Variants in MSR1 observed in about 807,000 individuals in gnomAD.
The protein encoded by MSR1 is macrophage scavenger receptor 1, also known as macrophage scavenger receptor types I and II.
In MSR1, 53 loss-of-function variants were observed where a neutral mutation model predicts 47.2. The observed-to-expected ratio is 1.12, with a 90% CI of 0.90 to 1.41. The LOEUF (loss-of-function observed/expected upper bound fraction) is 1.41. MSR1 is among the 40% of genes most tolerant of loss of function. The pLI is 0.00. For missense variants in MSR1, 786 were observed against 546.9 expected (o/e 1.44, Z -4.36); for synonymous variants, 239 against 185.6 (o/e 1.29, Z -2.34).
intron 7 of MSR1, among the ~76,000 whole-genome samples, chr8:16,148,552 G>A (rs1800761061): frequency 6.6e-6 from 1 of 151,990 alleles, no homozygotes; most frequent in Non-Finnish European, 1.5e-5. Context: ...TGCCTCCTGG[G>A]TTCAAGTGAT....
intron 8 of MSR1, among the ~76,000 whole-genome samples, chr8:16,134,906 C>G (rs1446240815): frequency 6.6e-6 from 1 of 152,144 alleles, no homozygotes; most frequent in African/African-American, 2.4e-5. Flanking sequence ...TAAGACAAAT[C>G]CAAGTCCAGA....
intron 1 of MSR1, among the ~76,000 whole-genome samples, chr8:16,188,326 C>T (rs1317167253): frequency 6.6e-6 from 1 of 151,910 alleles, no homozygotes; most frequent in Non-Finnish European, 1.5e-5. Context: ...GTCATCTCAT[C>T]ACCCTAATAA....
At chr8:16,149,898 T>A (rs948839160) in intron 7 of MSR1, among the ~76,000 whole-genome samples, 3 of 151,816 alleles carry the variant, frequency 2.0e-5, no homozygotes, top group Non-Finnish European at 2.9e-5. Flanking sequence ...TGATGATTTA[T>A]GATTGTGAGG....
At chr8:16,159,077 C>T (rs892314642) in intron 5 of MSR1, among the ~76,000 whole-genome samples, 7 of 151,532 alleles carry the variant, frequency 4.6e-5, no homozygotes, top group African/African-American at 1.7e-4. Context: ...GCTGGGATTA[C>T]AGGCATGAGC....
At chr8:16,170,069 G>A (rs2117187079) in intron 3 of MSR1, among the ~76,000 whole-genome samples, 1 of 152,064 alleles carries the variant, frequency 6.6e-6, no homozygotes, top group Non-Finnish European at 1.5e-5. Context: ...GCAAAAATAG[G>A]CCGGGTGCGT....
At chr8:16,155,668 G>C (rs530471577) in intron 5 of MSR1, among the ~76,000 whole-genome samples, 2 of 151,892 alleles carry the variant, frequency 1.3e-5, no homozygotes, top group African/African-American at 2.4e-5. Context: ...AGATCGGCGT[G>C]AATGGTGATG....
rs745510362 is a variant in MSR1 at position 16,119,141 on chromosome 8, C to T, written c.1222+1277G>A. 4.6e-5 allele frequency among the ~76,000 whole-genome samples: 7 copies of T among 152,156 alleles called. 1 individual carries two copies. Among genetic ancestry groups the T allele is most frequent in the Non-Finnish European group, 7.4e-5 (5 of 68,010 alleles). On this transcript the variant is annotated intron_variant, in intron 9 of 9. Coordinates refer to ENST00000262101, the MANE Select transcript of MSR1 (RefSeq NM_138715.3). ...TTACCAGTCTATTTTCTGACATCTC[C>T]TCTCTTCATGAAATTAAATTATCCT...
intron 9 of MSR1, among the ~76,000 whole-genome samples, chr8:16,118,001 G>A (rs982878253): frequency 1.3e-5 from 2 of 152,132 alleles, no homozygotes; most frequent in Admixed American, 6.5e-5. Context: ...GGTCCCTGGT[G>A]CCAAAAAGGT....
At chr8:16,166,807 G>A (rs570685546) in intron 4 of MSR1, among the ~76,000 whole-genome samples, 7 of 151,982 alleles carry the variant, frequency 4.6e-5, no homozygotes, top group South Asian at 4.1e-4. Context: ...TTCCTCAAAC[G>A]CCATTTACAA....
intron 3 of MSR1, 82 bp from the exon 4 acceptor site, chr8:16,168,952 G>T: frequency 2.9e-6 from 4 of 1,376,780 alleles, no homozygotes; most frequent in South Asian, 2.4e-5. Context: ...ATTCCATTCC[G>T]TTCATTTTAT....
At chr8:16,111,011 C>G (rs1229376635) in intron 9 of MSR1, among the ~76,000 whole-genome samples, 1 of 151,862 alleles carries the variant, frequency 6.6e-6, no homozygotes, top group Non-Finnish European at 1.5e-5. Flanking sequence ...AATATGATCT[C>G]AAAATCAGAA....
Position 16,132,498 on chromosome 8 carries a change from G to GT in MSR1, c.1033+11059dup, listed in dbSNP as rs574767786. Among the ~76,000 whole-genome samples the GT allele has an allele frequency of 1.6e-4, 24 of 151,682 alleles. No individual in the cohort carries two copies. In the South Asian group the frequency reaches 2.9e-3, roughly 18 times the overall value. ...TGTATTTCTTTTTTTGTTTTGTTTT[G>GT]TTTTTTTGAGACAGAGTCTCACCCT... On this transcript the variant is annotated intron_variant, in intron 8 of 9. Coordinates refer to ENST00000262101, the MANE Select transcript of MSR1 (RefSeq NM_138715.3).
At chr8:16,147,008 T>G (rs1266383293) in intron 7 of MSR1, among the ~76,000 whole-genome samples, 1 of 152,128 alleles carries the variant, frequency 6.6e-6, no homozygotes, top group African/African-American at 2.4e-5. Flanking sequence ...TGACCATAAC[T>G]TACCCTGAGG....
chr8:16,124,855 C>A (rs1424491853), intron 8 of MSR1, among the ~76,000 whole-genome samples: 3 of 152,080 alleles, frequency 2.0e-5, no homozygotes, highest in Non-Finnish European at 2.9e-5. Flanking sequence ...TCTCTTGATA[C>A]ATGAACTGCA....
chr8:16,165,411 G>C (rs899682), intron 4 of MSR1, among the ~76,000 whole-genome samples: 1 of 151,794 alleles, frequency 6.6e-6, no homozygotes, highest in Non-Finnish European at 1.5e-5. Context: ...GACGATTAAT[G>C]TTTATTAATT....
In MSR1 at chr8:16,109,816, GA is replaced by G; in HGVS notation, c.*268del. The G allele has an allele frequency of 2.3e-6, 1 of 439,168 alleles. No homozygotes were observed. Among genetic ancestry groups the G allele is most frequent in the Non-Finnish European group, 4.1e-6 (1 of 243,996 alleles). 27.2% of individuals were successfully genotyped at this position (439,168 alleles called of 1,614,324 possible). On this transcript the variant is annotated 3_prime_UTR_variant, in exon 10 of 10. Coordinates refer to ENST00000262101, the MANE Select transcript of MSR1 (RefSeq NM_138715.3). ...TATTACCCTTGGCCTTTGTAATCTG[GA>G]AGCTATAAACTTCAAAATGTTCAAT...
chr8:16,164,603 G>C (rs545502416), intron 4 of MSR1, among the ~76,000 whole-genome samples: 3 of 151,872 alleles, frequency 2.0e-5, no homozygotes, highest in African/African-American at 7.2e-5. Context: ...TCTTCGTACT[G>C]TACTTACAGT....
chr8:16,186,145 T>A, intron 1 of MSR1: 1 of 1,530,420 alleles, frequency 6.5e-7, no homozygotes, highest in Non-Finnish European at 8.8e-7. Flanking sequence ...TAAATGAAAG[T>A]TGTTCATGCT....
At chr8:16,189,252 T>TTTCATATATATAA (rs1802095407) in intron 1 of MSR1, among the ~76,000 whole-genome samples, 3 of 106,242 alleles carry the variant, frequency 2.8e-5, no homozygotes, top group African/African-American at 1.5e-4. Flanking sequence ...TATTTAGATA[T>TTTCATATATATAA]AATCTTATTT....
Sources: gnomAD v4.1 joint callset for allele counts (sites outside exome capture counted in the v4.1 genomes callset) on GRCh38, gnomAD v4.1.1 for gene constraint, MANE v1.5 for transcripts, NCBI Gene and HGNC (gene_info 2026-07-23, HGNC 2026-07-21) for gene names.